The following ARFGEF3 variants were observed in gnomAD, a reference collection of about 807,000 sequenced individuals.
The protein encoded by ARFGEF3 is brefeldin A-inhibited guanine nucleotide-exchange protein 3.
ARFGEF3 carries 96 observed loss-of-function variants against 221.7 expected under a neutral mutation model. The ratio of observed to expected loss-of-function variants is 0.43; its 90% CI spans 0.37 to 0.51. The LOEUF (loss-of-function observed/expected upper bound fraction) is 0.51. Among genes scored for constraint, ARFGEF3 ranks in the 20% least tolerant of loss-of-function variants. The pLI, the probability that ARFGEF3 is intolerant of heterozygous loss-of-function variation, is 0.00. For synonymous variants in ARFGEF3, 1,145 were observed against 1,126.8 expected (o/e 1.02, Z -0.32); for missense variants, 2,410 against 2,789.9 (o/e 0.86, Z 3.07).
chr6:138,304,818 G>A (rs963276954), intron 22 of ARFGEF3, among the ~76,000 whole-genome samples: 24 of 152,196 alleles, frequency 1.6e-4, no homozygotes, highest in African/African-American at 5.5e-4. Flanking sequence ...CCAAGCTTAT[G>A]TAGATCCTGA....
intron 2 of ARFGEF3, among the ~76,000 whole-genome samples, chr6:138,201,517 C>T (rs1035317524): frequency 6.6e-6 from 1 of 152,166 alleles, no homozygotes; most frequent in African/African-American, 2.4e-5. Context: ...ACAGCATTTG[C>T]AATGACCTGG....
Position 138,253,927 on chromosome 6 carries a change from T to A in ARFGEF3, c.713T>A (p.Val238Glu). The change falls in exon 9 of 34, where the codon GTG (valine) becomes GAG (glutamate). Residue 238 changes from valine (V) to glutamate (E), a missense_variant. Physicochemically the swap from Val to Glu is moderately radical, Grantham distance 121. Coordinates refer to ENST00000251691, the MANE Select transcript of ARFGEF3 (RefSeq NM_020340.5). Reference protein sequence around the residue: ...QLLYLECILSVLSSSSSSMHL... With the variant: ...QLLYLECILSELSSSSSSMHL... ...CTCTACCTGGAGTGCATCCTGTCTG[T>A]GCTCAGCAGCTCCTCCTCCTCCATG... The A allele has an allele frequency of 6.3e-7, 1 of 1,597,186 alleles. No individual in the cohort carries two copies. The highest frequency in any genetic ancestry group is 8.5e-7 in the Non-Finnish European group (1 of 1,172,102).
At chr6:138,251,010 C>G (rs1275485378) in intron 8 of ARFGEF3, among the ~76,000 whole-genome samples, 1 of 152,204 alleles carries the variant, frequency 6.6e-6, no homozygotes, top group Non-Finnish European at 1.5e-5. Flanking sequence ...ACGTTTTAAA[C>G]AGCTCCTTTA....
chr6:138,308,603 T>C, intron 23 of ARFGEF3, 136 bp from the exon 24 acceptor site: 1 of 953,144 alleles, frequency 1.0e-6, no homozygotes, highest in Non-Finnish European at 1.6e-6. Flanking sequence ...AATGGCCCAA[T>C]AAAAAACCCA....
chr6:138,214,711 C>G (rs1403129748), intron 4 of ARFGEF3, among the ~76,000 whole-genome samples: 1 of 152,080 alleles, frequency 6.6e-6, no homozygotes, highest in Middle Eastern at 3.2e-3. Context: ...CAAGATTAAA[C>G]AGAAACGGGC....
Position 138,162,440 on chromosome 6 carries a change from G to A in ARFGEF3, c.85+269G>A, listed in dbSNP as rs1045195219. Among the ~76,000 whole-genome samples the A allele has an allele frequency of 1.3e-5, 2 of 152,188 alleles. No homozygotes were observed. Among genetic ancestry groups the A allele is most frequent in the African/African-American group, 4.8e-5 (2 of 41,468 alleles). On this transcript the variant is annotated intron_variant, in intron 1 of 33. Coordinates refer to ENST00000251691, the MANE Select transcript of ARFGEF3 (RefSeq NM_020340.5). This position sits in a 1 kb window ranked among gnomAD's most constrained non-coding sequence, Gnocchi z 4.7. The stretch of plus-strand genomic sequence containing the variant: ...TGGCGGCCCCCTTCTCCTGGTCCCG[G>A]CGCTGGGGACGATGCTTCCCCATCG...
chr6:138,199,183 T>C (rs1777488049), intron 2 of ARFGEF3, among the ~76,000 whole-genome samples: 1 of 152,244 alleles, frequency 6.6e-6, no homozygotes. Context: ...AGTTTCAGTT[T>C]GGTTGAAAAT....
intron 30 of ARFGEF3, 114 bp downstream of exon 30, chr6:138,323,887 T>C (rs1438228871): frequency 1.9e-6 from 3 of 1,542,722 alleles, no homozygotes; most frequent in African/African-American, 1.4e-5. Context: ...AGTCTCACTT[T>C]AGATCTTGCA....
Position 138,299,198 on chromosome 6 carries a change from T to TAAAA in ARFGEF3, c.3828+436_3828+439dup, listed in dbSNP as rs60475752. Among the ~76,000 whole-genome samples, 241 of 39,412 alleles carry TAAAA rather than the reference T, an allele frequency of 6.1e-3. 34 individuals carry two copies. In the East Asian group the frequency reaches 0.098, roughly 16 times the overall value. The allele number at this position is 39,412 out of a possible 152,430, so 25.9% of individuals were successfully genotyped here. ...GCCTGAGTGACAGAGCGAGACTCTG[T>TAAAA]AAAAAAAAAAAAAAAAAAAAAAAAA... On this transcript the variant is annotated intron_variant, in intron 22 of 33. Coordinates refer to ENST00000251691, the MANE Select transcript of ARFGEF3 (RefSeq NM_020340.5).
At chr6:138,283,706 T>C (rs1779237360) in intron 14 of ARFGEF3, among the ~76,000 whole-genome samples, 1 of 152,232 alleles carries the variant, frequency 6.6e-6, no homozygotes, top group East Asian at 1.9e-4. Context: ...AGCACAGAAA[T>C]AAGCTTTGCA....
rs559691424 is a variant in ARFGEF3 at position 138,218,263 on chromosome 6, G to C, written c.351+8222G>C. On this transcript the variant is annotated intron_variant, in intron 4 of 33. Transcript: ENST00000251691. ...AATACCTTGTAGCAGAATGGTAAGA[G>C]CACAGTTTCTGGAGCTAGAATGCCT... 6 of 1,609,650 alleles carry C rather than the reference G, an allele frequency of 3.7e-6. No homozygotes were observed. The African/African-American group carries it at 8.0e-5, about 22-fold the overall frequency.
rs528723391 is a variant in ARFGEF3 at position 138,228,398 on chromosome 6, G to A, written c.352-1386G>A. Among the ~76,000 whole-genome samples, 3 of 151,092 alleles carry A rather than the reference G, an allele frequency of 2.0e-5. No homozygotes were observed. In the South Asian group the frequency reaches 6.3e-4, roughly 32 times the overall value. On this transcript the variant is annotated intron_variant, in intron 4 of 33. Transcript: ENST00000251691. Reference sequence around the variant, plus strand: ...GATGGGGTTTTGCCATGTTGCCCAGGCTGGTCTCGAACTCCTAATCTCAAG... The same window carrying A: ...GATGGGGTTTTGCCATGTTGCCCAGACTGGTCTCGAACTCCTAATCTCAAG...
At chr6:138,163,162 A>G (rs1283644471) in intron 1 of ARFGEF3, among the ~76,000 whole-genome samples, 1 of 152,222 alleles carries the variant, frequency 6.6e-6, no homozygotes, top group Non-Finnish European at 1.5e-5. Context: ...TAAATGTAAA[A>G]TTTTGAGAGT....
chr6:138,296,964 T>C lies in ARFGEF3; in HGVS notation c.3648+9T>C, dbSNP rs757597307. 9 of 1,606,118 alleles carry C rather than the reference T, an allele frequency of 5.6e-6. No individual in the cohort carries two copies. The highest frequency in any genetic ancestry group is 7.6e-6 in the Non-Finnish European group (9 of 1,177,022). On this transcript the variant is annotated intron_variant, in intron 21 of 33. Coordinates refer to ENST00000251691, the MANE Select transcript of ARFGEF3 (RefSeq NM_020340.5). ...CCCCACACCTGGTGGAGGTGAGCAC[T>C]GGGAAGGTGGGAAGAGGCTGGAACT...
intron 2 of ARFGEF3, among the ~76,000 whole-genome samples, chr6:138,203,568 G>C (rs1010860855): frequency 2.0e-5 from 3 of 152,226 alleles, no homozygotes; most frequent in African/African-American, 7.2e-5. Flanking sequence ...TGATCGGATG[G>C]ATGGTTGAAT....
rs1286890777 is a variant in ARFGEF3 at position 138,333,971 on chromosome 6, G to A, written c.5125G>A (p.Val1709Met). The A allele has an allele frequency of 2.7e-5, 44 of 1,602,340 alleles. No individual in the cohort carries two copies. Among genetic ancestry groups the A allele is most frequent in the South Asian group, 4.4e-5 (4 of 90,500 alleles). ...EKPNGHTKKS[V>M]SFREIVVSLL... ...CGAGCCCTCTCTTTTCACTTGAAGC[G>A]TGTCTTTCAGGGAAATTGTGGTGAG... The change falls in exon 33 of 34, where the codon GTG becomes ATG. Residue 1709 changes from valine (V) to methionine (M), a missense_variant and splice_region_variant. By Grantham distance (21) the Val-to-Met change is conservative (BLOSUM62 1). This residue lies in a region of ARFGEF3 where 723 missense variants were observed against 991.9 expected (regional missense o/e 0.73). Coordinates refer to ENST00000251691, the MANE Select transcript of ARFGEF3 (RefSeq NM_020340.5).
chr6:138,174,894 AC>A (rs1462773236), intron 2 of ARFGEF3, among the ~76,000 whole-genome samples: 1 of 152,036 alleles, frequency 6.6e-6, no homozygotes, highest in African/African-American at 2.4e-5. Flanking sequence ...AATCAGAAGA[AC>A]CCTTGAAGAG....
chr6:138,302,151 A>G (rs894411023), intron 22 of ARFGEF3, among the ~76,000 whole-genome samples: 21 of 152,228 alleles, frequency 1.4e-4, no homozygotes, highest in African/African-American at 3.9e-4. Flanking sequence ...GTAAGCCCAG[A>G]TGTATTTGGG....
intron 3 of ARFGEF3, among the ~76,000 whole-genome samples, chr6:138,207,938 T>A (rs1231364276): frequency 1.3e-5 from 2 of 152,152 alleles, no homozygotes; most frequent in Non-Finnish European, 2.9e-5. Flanking sequence ...CAGTTCTTTT[T>A]CCCCCAGCAG....
Sources: allele counts gnomAD v4.1 joint callset (sites outside exome capture counted in the v4.1 genomes callset), GRCh38; gene constraint gnomAD v4.1.1; regional missense constraint gnomAD v4.1.1; non-coding constraint Gnocchi (gnomAD v3.1); transcripts MANE v1.5; gene names NCBI Gene and HGNC (gene_info 2026-07-23, HGNC 2026-07-21).